Variants in RORA observed in about 807,000 individuals in gnomAD.
RORA encodes the protein RAR related orphan receptor A.
Under a neutral mutation model 69.5 loss-of-function variants are expected in RORA, and 7 were observed. The observed-to-expected ratio is 0.10, with a 90% CI of 0.06 to 0.19. The LOEUF is 0.19. RORA is among the 10% of genes least tolerant of loss of function. The pLI is 1.00. For synonymous variants in RORA, 261 were observed against 240.8 expected (o/e 1.08, Z -0.78); for missense variants, 457 against 663.0 (o/e 0.69, Z 3.41).
At chr15:61,217,560 TC>T (rs2140943754) in intron 1 of RORA, among the ~76,000 whole-genome samples, 1 of 152,278 alleles carries the variant, frequency 6.6e-6, no homozygotes, top group African/African-American at 2.4e-5. Context: ...AAATGCCTGG[TC>T]TGAGGTGACC....
chr15:60,825,559 GA>G (rs1280304614), intron 1 of RORA, among the ~76,000 whole-genome samples: 3 of 152,268 alleles, frequency 2.0e-5, no homozygotes, highest in Admixed American at 6.5e-5. Flanking sequence ...GCATTATAGT[GA>G]AATCCTAGCA....
intron 1 of RORA, among the ~76,000 whole-genome samples, chr15:61,180,677 T>C (rs1439869523): frequency 6.6e-6 from 1 of 152,232 alleles, no homozygotes; most frequent in Non-Finnish European, 1.5e-5. Context: ...CACATTCTAT[T>C]GAAATTCTGT....
intron 3 of RORA, among the ~76,000 whole-genome samples, chr15:60,524,315 T>G (rs2066275778): frequency 6.6e-6 from 1 of 152,202 alleles, no homozygotes; most frequent in Admixed American, 6.5e-5. Context: ...AAAGATATCT[T>G]TCTAAAACAT....
chr15:60,872,469 A>C (rs2073567872), intron 1 of RORA, among the ~76,000 whole-genome samples: 1 of 152,154 alleles, frequency 6.6e-6, no homozygotes, highest in Non-Finnish European at 1.5e-5. Context: ...GGTACCTGAG[A>C]GACCACACCA....
rs1027605234 is a variant in RORA, at chr15:61,128,955, G to A, written c.166+100098C>T. ...GCCTTGGGCCCACTCCCTTCTACGA[G>A]TGCCCTTAACCCTTTACAAAATAAT... On this transcript the variant is annotated intron_variant, in intron 1 of 10. Coordinates refer to ENST00000335670, the MANE Select transcript of RORA (RefSeq NM_134261.3). This position sits in a 1 kb window ranked among gnomAD's most constrained non-coding sequence, Gnocchi z 4.5. 3.9e-5 allele frequency among the ~76,000 whole-genome samples: 6 copies of A among 152,204 alleles called. No individual in the cohort carries two copies. The highest frequency in any genetic ancestry group is 8.8e-5 in the Non-Finnish European group (6 of 68,052).
rs576660193 is a variant in RORA, at chr15:60,936,030, C to T, written c.167-257344G>A. 3.3e-5 allele frequency among the ~76,000 whole-genome samples: 5 copies of T among 152,262 alleles called. No individual in the cohort carries two copies. In the East Asian group the frequency reaches 5.8e-4, roughly 18 times the overall value. On this transcript the variant is annotated intron_variant, in intron 1 of 10. Coordinates refer to ENST00000335670, the MANE Select transcript of RORA (RefSeq NM_134261.3). ...GAAGTCAAGGGTTTCCCCATGTGGC[C>T]GGCCCTACAGTTACTCAGCCTGAAG... is the stretch of plus-strand genomic sequence containing the variant.
chr15:60,868,554 C>A (rs547806956), intron 1 of RORA, among the ~76,000 whole-genome samples: 32 of 152,250 alleles, frequency 2.1e-4, no homozygotes, highest in African/African-American at 7.0e-4. Flanking sequence ...GAGTCTTGGA[C>A]CAACCCTGCC....
chr15:60,840,878 C>T (rs941366000), intron 1 of RORA, among the ~76,000 whole-genome samples: 4 of 152,126 alleles, frequency 2.6e-5, no homozygotes, highest in Non-Finnish European at 5.9e-5. Flanking sequence ...CAGCTGGAGC[C>T]CAGGCGATAG....
chr15:60,512,581 C>T (rs1188614774), intron 4 of RORA, among the ~76,000 whole-genome samples: 1 of 152,192 alleles, frequency 6.6e-6, no homozygotes, highest in Non-Finnish European at 1.5e-5. Flanking sequence ...TGAGCTACCA[C>T]TCCCAGTAGG....
intron 2 of RORA, among the ~76,000 whole-genome samples, chr15:60,543,650 T>C (rs574250630): frequency 6.6e-6 from 1 of 152,002 alleles, no homozygotes; most frequent in African/African-American, 2.4e-5. Flanking sequence ...GGCTTTTTTT[T>C]ATATTTTTTT....
At chr15:61,020,779 T>A (rs1032972661) in intron 1 of RORA, among the ~76,000 whole-genome samples, 2 of 152,206 alleles carry the variant, frequency 1.3e-5, no homozygotes, top group Admixed American at 6.5e-5. Flanking sequence ...ATTCCCAAAC[T>A]GACAAAACTT....
intron 1 of RORA, among the ~76,000 whole-genome samples, chr15:60,865,239 A>C (rs1257982878): frequency 1.3e-5 from 2 of 152,162 alleles, no homozygotes; most frequent in African/African-American, 4.8e-5. Flanking sequence ...ACTGCCTGAA[A>C]CCTGGCTCTT....
At chr15:60,610,598 G>A (rs751871165) in intron 2 of RORA, among the ~76,000 whole-genome samples, 22 of 152,178 alleles carry the variant, frequency 1.4e-4, no homozygotes, top group Admixed American at 3.3e-4. Context: ...AGTTTTTTAT[G>A]AGACCAGCAG....
intron 1 of RORA, chr15:60,682,398 G>A (rs2070656974): frequency 6.6e-6 from 1 of 152,174 alleles, no homozygotes; most frequent in Non-Finnish European, 1.5e-5. Context: ...ATATTTGATG[G>A]AAGACAGCAT....
chr15:60,566,029 T>C (rs1664767886), intron 2 of RORA, among the ~76,000 whole-genome samples: 1 of 152,188 alleles, frequency 6.6e-6, no homozygotes, highest in African/African-American at 2.4e-5. Flanking sequence ...CATACACTCA[T>C]ATGTGCACTC....
rs113495992 is a variant in RORA at position 61,079,480 on chromosome 15, T to A, written c.166+149573A>T. Among the ~76,000 whole-genome samples the A allele has an allele frequency of 5.6e-3, 857 of 152,294 alleles. 5 individuals are homozygous for A. The highest frequency in any genetic ancestry group is 9.7e-3 in the Non-Finnish European group (659 of 68,030). ...TTAACCAGTCACAGTCCCACTCCCATCACCAAGTATCGTGCAAGGATTTCA... is the reference window on the plus strand; with the variant it reads ...TTAACCAGTCACAGTCCCACTCCCAACACCAAGTATCGTGCAAGGATTTCA... On this transcript the variant is annotated intron_variant, in intron 1 of 10. Transcript: ENST00000335670.
chr15:61,081,905 A>T lies in RORA; in HGVS notation c.166+147148T>A, dbSNP rs929811029. Among the ~76,000 whole-genome samples, 11 of 152,260 alleles carry T rather than the reference A, an allele frequency of 7.2e-5. No individual in the cohort carries two copies. The East Asian group carries it at 2.1e-3, about 29-fold the overall frequency. On this transcript the variant is annotated intron_variant, in intron 1 of 10. Transcript: ENST00000335670. The stretch of plus-strand genomic sequence containing the variant: ...ATTCGAATAACTAGGATTTACAACC[A>T]TTAATTAGTAAAAATTAGCCCTGGG...
intron 1 of RORA, among the ~76,000 whole-genome samples, chr15:61,044,308 CCTT>C (rs975391709): frequency 1.3e-4 from 20 of 152,162 alleles, no homozygotes; most frequent in Non-Finnish European, 1.2e-4. Context: ...CTTGGTATCA[CCTT>C]CTGCTCCTCT....
intron 1 of RORA, among the ~76,000 whole-genome samples, chr15:61,185,966 C>G (rs1400136750): frequency 6.6e-6 from 1 of 152,168 alleles, no homozygotes; most frequent in African/African-American, 2.4e-5. Context: ...CTTCACCACC[C>G]AGCTCTAAAG....
Sources: allele counts gnomAD v4.1 joint callset (sites outside exome capture counted in the v4.1 genomes callset), GRCh38; gene constraint gnomAD v4.1.1; non-coding constraint Gnocchi (gnomAD v3.1); transcripts MANE v1.5; gene names NCBI Gene and HGNC (gene_info 2026-07-23, HGNC 2026-07-21).